Variants in USP24 observed in about 807,000 individuals in gnomAD.
The protein encoded by USP24 is ubiquitin specific peptidase 24.
USP24 carries 97 observed loss-of-function variants against 361.6 expected under a neutral mutation model. The ratio of observed to expected loss-of-function variants is 0.27; its 90% confidence interval spans 0.23 to 0.32. The LOEUF (loss-of-function observed/expected upper bound fraction) is 0.32, where lower values mean the gene tolerates loss of function less well. Among genes scored for constraint, USP24 ranks in the 10% least tolerant of loss-of-function variants. The probability of loss-of-function intolerance (pLI) is 1.00; values close to 1 mark genes in which losing one functional copy is unlikely to be tolerated. For synonymous variants in USP24, 1,098 were observed against 1,124.6 expected, an observed-to-expected ratio of 0.98 and a Z score of 0.47; for missense variants, 2,353 against 3,165.6, an observed-to-expected ratio of 0.74 and a Z score of 6.16.
intron 12 of USP24, 137 bp from the exon 13 acceptor site, chr1:55,154,915 C>A: frequency 1.6e-6 from 1 of 608,882 alleles, no homozygotes; most frequent in African/African-American, 1.9e-5. Flanking sequence ...CATCCACTTG[C>A]ATAATATTGG....
intron 61 of USP24, among the ~76,000 whole-genome samples, chr1:55,078,146 A>G (rs976078087): frequency 2.0e-5 from 3 of 152,238 alleles, no homozygotes; most frequent in African/African-American, 7.2e-5. Flanking sequence ...AGAAACTAAT[A>G]TATACATAGT....
chr1:55,072,463 G>A, intron 65 of USP24, 60 bp from the exon 66 acceptor site: 1 of 1,350,946 alleles, frequency 7.4e-7, no homozygotes, highest in Non-Finnish European at 1.0e-6. Flanking sequence ...TGGGTTCACA[G>A]TTTCTACCAT....
At chr1:55,099,289 C>T (rs1195744054) in intron 45 of USP24, among the ~76,000 whole-genome samples, 3 of 152,122 alleles carry the variant, frequency 2.0e-5, no homozygotes, top group African/African-American at 7.2e-5. Context: ...AGGCATGGTA[C>T]CTCAAGCCTG....
chr1:55,176,555 C>T, intron 2 of USP24, 112 bp from the exon 3 acceptor site: 1 of 923,334 alleles, frequency 1.1e-6, no homozygotes, highest in Non-Finnish European at 1.6e-6. Context: ...TCGTAAAAAT[C>T]ATATACATCA....
intron 35 of USP24, among the ~76,000 whole-genome samples, 170 bp from the exon 36 acceptor site, chr1:55,123,772 C>T (rs1646348515): frequency 6.6e-6 from 1 of 152,232 alleles, no homozygotes; most frequent in Middle Eastern, 3.2e-3. Context: ...ACTCTCACTA[C>T]TTTTTCTTTA....
In USP24 at chr1:55,109,878, T is replaced by C. The variant is rs371109015; in HGVS notation, c.4570+307A>G. Among the ~76,000 whole-genome samples the C allele has an allele frequency of 8.5e-5, 13 of 152,286 alleles. No individual in the cohort carries two copies. The East Asian group carries it at 1.2e-3, about 14-fold the overall frequency. On this transcript the variant is annotated intron_variant, in intron 39 of 67. Transcript: ENST00000294383. ...CTTCAACAATCAACCTTTAAAATTA[T>C]AACAGACTACACCGGAGAGAAAGAC...
chr1:55,102,624 T>G (rs141793311), intron 42 of USP24, among the ~76,000 whole-genome samples: 76 of 152,264 alleles, frequency 5.0e-4, no homozygotes, highest in African/African-American at 1.7e-3. Flanking sequence ...GACATATACT[T>G]ACAGCAGGAT....
At chr1:55,091,931 G>A in intron 54 of USP24, 92 bp downstream of exon 54, 1 of 971,642 alleles carries the variant, frequency 1.0e-6, no homozygotes, top group Non-Finnish European at 1.5e-6. Flanking sequence ...TTAGGTAGCT[G>A]CTTTCACAAT....
In USP24 at chr1:55,138,932, G is replaced by T; in HGVS notation, c.2817+12C>A. Reference sequence around the variant, plus strand: ...TAAGCAACATACATCTTAAAAAAAGGAAGTGGCTTACCTCTATAGTGATCA... The same window carrying T: ...TAAGCAACATACATCTTAAAAAAAGTAAGTGGCTTACCTCTATAGTGATCA... On this transcript the variant is annotated intron_variant, in intron 25 of 67. Coordinates refer to ENST00000294383, the MANE Select transcript of USP24 (RefSeq NM_015306.3). 6.2e-7 allele frequency: 1 copy of T among 1,609,558 alleles called. No individual in the cohort carries two copies. Among genetic ancestry groups the T allele is most frequent in the Middle Eastern group, 1.7e-4 (1 of 6,042 alleles).
At chr1:55,092,147 A>G in intron 53 of USP24, 21 bp from the exon 54 acceptor site, 1 of 1,562,496 alleles carries the variant, frequency 6.4e-7, no homozygotes, top group Non-Finnish European at 8.7e-7. Flanking sequence ...GAAACATGAA[A>G]GAGGATATTT....
At chr1:55,110,090 C>T (rs1553150858) in intron 39 of USP24, 95 bp downstream of exon 39, 2 of 1,035,046 alleles carry the variant, frequency 1.9e-6, no homozygotes, top group Non-Finnish European at 2.8e-6. Flanking sequence ...TGTATTTACA[C>T]CTGAGATATG....
chr1:55,189,078 C>T (rs867933337), intron 1 of USP24, among the ~76,000 whole-genome samples: 3 of 151,682 alleles, frequency 2.0e-5, no homozygotes, highest in Admixed American at 6.6e-5. Context: ...ATGGGGCCAC[C>T]GCTTTCCAAG....
At chr1:55,150,199 C>T (rs1418727527) in intron 16 of USP24, among the ~76,000 whole-genome samples, 1 of 152,170 alleles carries the variant, frequency 6.6e-6, no homozygotes, top group African/African-American at 2.4e-5. Context: ...ATAAAGATTT[C>T]AGAGAGGTCC....
At chr1:55,073,980 C>CTT in intron 63 of USP24, 74 bp from the exon 64 acceptor site, 1 of 1,256,778 alleles carries the variant, frequency 8.0e-7, no homozygotes, top group Non-Finnish European at 1.1e-6. Flanking sequence ...AACAAGCTCT[C>CTT]TTGTTCTAAA....
chr1:55,125,335 A>C lies in USP24; in HGVS notation c.3945T>G (p.Ala1315=). 6.2e-7 allele frequency: 1 copy of C among 1,613,876 alleles called. No individual in the cohort carries two copies. Among genetic ancestry groups the C allele is most frequent in the Non-Finnish European group, 8.5e-7 (1 of 1,179,764 alleles). ...AATCACTTACTTGTATTGCAACTCG[A>C]GCAGCAGGGATGATTTCCTCAACCC... is the stretch of plus-strand genomic sequence containing the variant. ...SIRVEEIIPA[A]RVAIQTMEVS... is the part of the protein sequence containing the mutation. The change falls in exon 34 of 68, where the codon GCT becomes GCG. Residue 1315 remains alanine, a synonymous_variant. Transcript: ENST00000294383.
rs372853739 is a variant in USP24 at position 55,205,102 on chromosome 1, AG to A, written c.324+9687del. Among the ~76,000 whole-genome samples, 94 of 152,334 alleles carry A rather than the reference AG, an allele frequency of 6.2e-4. 1 individual carries two copies. In the East Asian group the frequency reaches 0.017, roughly 27 times the overall value. Reference sequence around the variant, plus strand: ...AATGAGTAATACTGCTACAGGTCACAGGAACAGAGGTCACCAGGGAAGGCCA... The same window carrying A: ...AATGAGTAATACTGCTACAGGTCACAGAACAGAGGTCACCAGGGAAGGCCA... On this transcript the variant is annotated intron_variant, in intron 1 of 67. Transcript: ENST00000294383.
rs1158190379 is a variant in USP24 at position 55,066,809 on chromosome 1, C to CTGTT, written c.*2232_*2235dup. ...TTGAGTTAATTGTGCAATTCCTGCT[C>CTGTT]TGTTTGCAGACCATTTTGAAAGGTT... On this transcript the variant is annotated 3_prime_UTR_variant, in exon 68 of 68. Coordinates refer to ENST00000294383, the MANE Select transcript of USP24 (RefSeq NM_015306.3). 6.6e-6 allele frequency: 1 copy of CTGTT among 152,198 alleles called. No homozygotes were observed. Among genetic ancestry groups the CTGTT allele is most frequent in the African/African-American group, 2.4e-5 (1 of 41,442 alleles). The allele number at this position is 152,198 out of a possible 1,614,324, so 9.4% of individuals were successfully genotyped here. A position where few individuals can be genotyped will look rare whatever the true frequency, so the allele number is the denominator to read the frequency against.
intron 38 of USP24, among the ~76,000 whole-genome samples, chr1:55,111,540 C>A (rs575004260): frequency 1.3e-5 from 2 of 152,072 alleles, no homozygotes; most frequent in Admixed American, 6.5e-5. Flanking sequence ...AAAATTTTAA[C>A]TAGGAAAAGT....
chr1:55,174,284 C>G (rs1388137987), intron 3 of USP24, among the ~76,000 whole-genome samples: 1 of 152,130 alleles, frequency 6.6e-6, no homozygotes, highest in Non-Finnish European at 1.5e-5. Context: ...AGAAACACAG[C>G]TAGGTAAGTA....
Sources: allele counts gnomAD v4.1 joint callset (sites outside exome capture counted in the v4.1 genomes callset), GRCh38; gene constraint gnomAD v4.1.1; transcripts MANE v1.5; gene names NCBI Gene and HGNC (gene_info 2026-07-23, HGNC 2026-07-21).